The following GPSM2 variants were observed in gnomAD, a reference collection of about 807,000 sequenced individuals.
The protein encoded by GPSM2 is G protein signaling modulator 2.
A neutral mutation model predicts 78.4 loss-of-function variants in GPSM2; 58 were observed. The ratio of observed to expected loss-of-function variants is 0.74; its 90% CI spans 0.60 to 0.92. The LOEUF is 0.92. Among genes scored for constraint, GPSM2 ranks in the 40% least tolerant of loss-of-function variants. GPSM2 has a pLI of 0.00. For missense variants in GPSM2, 700 were observed against 815.5 expected (o/e 0.86, Z 1.73); for synonymous variants, 224 against 280.2 (o/e 0.80, Z 2.00).
chr1:108,923,939 G>A, intron 13 of GPSM2, 61 bp from the exon 14 acceptor site: 1 of 1,228,666 alleles, frequency 8.1e-7, no homozygotes, highest in East Asian at 2.3e-5. Context: ...ATGTGCCTAG[G>A]TTTTTTTGTT....
chr1:108,915,608 G>A lies in GPSM2; in HGVS notation c.1263+1200G>A, dbSNP rs545987392. Among the ~76,000 whole-genome samples the A allele has an allele frequency of 5.1e-3, 766 of 151,102 alleles. 7 individuals are homozygous for A. Among genetic ancestry groups the A allele is most frequent in the Non-Finnish European group, 8.3e-3 (562 of 67,782 alleles). ...CACCCAGCTAATGTTTGTATTTTTA[G>A]TAAAGACAGGGTTTCACCGTGTTGG... is the stretch of plus-strand genomic sequence containing the variant. On this transcript the variant is annotated intron_variant, in intron 11 of 14. Coordinates refer to ENST00000264126, the MANE Select transcript of GPSM2 (RefSeq NM_013296.5).
intron 11 of GPSM2, among the ~76,000 whole-genome samples, chr1:108,917,556 A>T (rs1224198220): frequency 1.5e-5 from 2 of 131,760 alleles, no homozygotes; most frequent in Non-Finnish European, 3.2e-5. Context: ...ACAGAGTGAG[A>T]CTCCGTCTCA....
chr1:108,909,079 C>T (rs149619530), intron 10 of GPSM2, among the ~76,000 whole-genome samples: 2,065 of 152,256 alleles, frequency 0.014, 54 homozygotes, highest in African/African-American at 0.047. Flanking sequence ...GTCGAAGCTG[C>T]AGTAAGCCAT....
intron 14 of GPSM2, among the ~76,000 whole-genome samples, chr1:108,927,355 T>TA (rs1346389692): frequency 1.4e-4 from 22 of 152,168 alleles, no homozygotes; most frequent in Non-Finnish European, 3.2e-4. Context: ...GTCTTGAGAA[T>TA]AAAGCTTTAG....
At chr1:108,898,556 T>C (rs933494711) in intron 5 of GPSM2, 86 bp from the exon 6 acceptor site, 2 of 1,284,100 alleles carry the variant, frequency 1.6e-6, no homozygotes, top group Non-Finnish European at 2.2e-6. Context: ...TACATTTTTT[T>C]CTGATAAAAA....
rs566453633 is a variant in GPSM2, at chr1:108,888,891, C to G, written c.56+3313C>G. Reference sequence around the variant, plus strand: ...GTTTCAAGTAAAATAAAATGGAAGACATTTAAGATAATTAAGATGAGCTTT... The same window carrying G: ...GTTTCAAGTAAAATAAAATGGAAGAGATTTAAGATAATTAAGATGAGCTTT... On this transcript the variant is annotated intron_variant, in intron 2 of 14. Coordinates refer to ENST00000264126, the MANE Select transcript of GPSM2 (RefSeq NM_013296.5). Among the ~76,000 whole-genome samples, 5 of 152,290 alleles carry G rather than the reference C, an allele frequency of 3.3e-5. No individual in the cohort carries two copies. The South Asian group carries it at 1.0e-3, about 32-fold the overall frequency.
At chr1:108,927,339 G>A (rs543145884) in intron 14 of GPSM2, among the ~76,000 whole-genome samples, 23 of 152,210 alleles carry the variant, frequency 1.5e-4, no homozygotes, top group East Asian at 5.8e-4. Context: ...CCAAATATCC[G>A]AAATAGTCTT....
rs1650029071 is a variant in GPSM2, at chr1:108,914,517, CTT to C, written c.1263+111_1263+112del. The C allele has an allele frequency of 3.8e-6, 3 of 798,326 alleles. No individual in the cohort carries two copies. The Admixed American group carries it at 8.0e-5, about 21-fold the overall frequency. The allele number at this position is 798,326 out of a possible 1,614,324, so 49.5% of individuals were successfully genotyped here. ...TAAGGCTTGCCCTATATAGGTATCA[CTT>C]TAAAATTTGCCTGTAAAAAAAAAGT... On this transcript the variant is annotated intron_variant, in intron 11 of 14. Coordinates refer to ENST00000264126, the MANE Select transcript of GPSM2 (RefSeq NM_013296.5).
intron 2 of GPSM2, among the ~76,000 whole-genome samples, chr1:108,893,410 T>A (rs1648117492): frequency 6.6e-6 from 1 of 152,208 alleles, no homozygotes; most frequent in Non-Finnish European, 1.5e-5. Context: ...TCATTAGTAA[T>A]CCATTGTATA....
Position 108,919,142 on chromosome 1 carries a change from C to T in GPSM2, c.1440+353C>T, listed in dbSNP as rs986504233. Among the ~76,000 whole-genome samples the T allele has an allele frequency of 4.6e-5, 7 of 151,858 alleles. No homozygotes were observed. The South Asian group carries it at 6.2e-4, about 14-fold the overall frequency. On this transcript the variant is annotated intron_variant, in intron 12 of 14. Transcript: ENST00000264126. ...CCTGCCTCAGCCTCCCGAGTAGCTG[C>T]GATTACAGGTGCACACCACCATGCC...
At chr1:108,885,704 C>T (rs921665536) in intron 2 of GPSM2, 126 bp downstream of exon 2, 18 of 690,766 alleles carry the variant, frequency 2.6e-5, no homozygotes, top group South Asian at 1.2e-4. Flanking sequence ...TGTCTGTAGA[C>T]AATATTTTCT....
chr1:108,923,259 C>T (rs541826379), intron 13 of GPSM2, among the ~76,000 whole-genome samples: 33 of 152,212 alleles, frequency 2.2e-4, no homozygotes, highest in African/African-American at 7.5e-4. Context: ...GTCTTGAGCT[C>T]CTGGCCTCAA....
At chr1:108,889,733 G>C in intron 2 of GPSM2, among the ~76,000 whole-genome samples, 1 of 152,172 alleles carries the variant, frequency 6.6e-6, no homozygotes, top group East Asian at 1.9e-4. Context: ...TCACCTCTTG[G>C]AACCCGTCGT....
chr1:108,877,443 TGAG>T (rs948755596), intron 1 of GPSM2: 1 of 151,482 alleles, frequency 6.6e-6, no homozygotes, highest in Non-Finnish European at 1.5e-5. Flanking sequence ...AAACTCGGCT[TGAG>T]GAGTTGCTGC....
chr1:108,929,620 T>G (rs897224783), intron 14 of GPSM2, 81 bp from the exon 15 acceptor site: 1 of 1,326,548 alleles, frequency 7.5e-7, no homozygotes, highest in Admixed American at 1.7e-5. Context: ...CTGCGTTTTC[T>G]TGTTGTGACT....
chr1:108,888,262 G>T (rs1421868624), intron 2 of GPSM2, among the ~76,000 whole-genome samples: 1 of 152,154 alleles, frequency 6.6e-6, no homozygotes, highest in Non-Finnish European at 1.5e-5. Context: ...ATGTTGGCCA[G>T]GCTGGTCTCG....
intron 3 of GPSM2, 99 bp downstream of exon 3, chr1:108,897,184 A>C (rs976039791): frequency 1.1e-6 from 1 of 898,632 alleles, no homozygotes; most frequent in African/African-American, 1.7e-5. Context: ...TAATACATTT[A>C]ATGAGTTCTA....
At chr1:108,929,489 G>C in intron 14 of GPSM2, 1 of 590,068 alleles carries the variant, frequency 1.7e-6, no homozygotes, top group Non-Finnish European at 3.0e-6. Flanking sequence ...CATTTTAAAG[G>C]AAAAATTTTA....
intron 10 of GPSM2, among the ~76,000 whole-genome samples, chr1:108,906,943 C>T (rs1649281424): frequency 6.6e-6 from 1 of 152,174 alleles, no homozygotes; most frequent in Admixed American, 6.5e-5. Context: ...CATGAACCAT[C>T]ATGCCTGGCC....
Sources: gnomAD v4.1 joint callset for allele counts (sites outside exome capture counted in the v4.1 genomes callset) on GRCh38, gnomAD v4.1.1 for gene constraint, MANE v1.5 for transcripts, NCBI Gene and HGNC (gene_info 2026-07-23, HGNC 2026-07-21) for gene names.